The following NKAIN2 variants were observed in gnomAD, a reference collection of about 807,000 sequenced individuals.
The protein encoded by NKAIN2 is sodium/potassium transporting ATPase interacting 2.
In NKAIN2, 14 loss-of-function variants were observed where a neutral mutation model predicts 32.6. That is an observed-to-expected ratio of 0.43 (90% CI 0.28 to 0.67). NKAIN2 has a LOEUF of 0.67. NKAIN2 is among the 30% of genes least tolerant of loss of function. The probability of loss-of-function intolerance (pLI) is 0.17; values close to 1 mark genes in which losing one functional copy is unlikely to be tolerated. For missense variants in NKAIN2, 198 were observed against 258.3 expected (o/e 0.77, Z 1.60); for synonymous variants, 80 against 87.2 (o/e 0.92, Z 0.46).
chr6:124,385,643 C>T (rs1389224651), intron 3 of NKAIN2, among the ~76,000 whole-genome samples: 1 of 152,008 alleles, frequency 6.6e-6, no homozygotes, highest in Non-Finnish European at 1.5e-5. Flanking sequence ...ATAATTCATT[C>T]CAAAAAAGCT....
At chr6:124,748,803 A>T (rs1777574941) in intron 4 of NKAIN2, among the ~76,000 whole-genome samples, 1 of 151,792 alleles carries the variant, frequency 6.6e-6, no homozygotes, top group Non-Finnish European at 1.5e-5. Context: ...TCTTAGAACC[A>T]GTTGAGAACC....
At chr6:124,375,884 G>A (rs962412734) in intron 3 of NKAIN2, among the ~76,000 whole-genome samples, 10 of 152,076 alleles carry the variant, frequency 6.6e-5, no homozygotes, top group Non-Finnish European at 1.3e-4. Context: ...ATCAAGTACT[G>A]CTTTAATGTT....
rs185598063 is a variant in NKAIN2 at position 124,078,464 on chromosome 6, C to T, written c.55-204541C>T. Among the ~76,000 whole-genome samples the T allele has an allele frequency of 2.6e-5, 4 of 152,206 alleles. No individual in the cohort carries two copies. In the East Asian group the frequency reaches 7.7e-4, roughly 29 times the overall value. The stretch of plus-strand genomic sequence containing the variant: ...TTGAGATGGATGCTATTATTGAGCT[C>T]ATTTTACAGATAAGGAAATTGCAAT... On this transcript the variant is annotated intron_variant, in intron 1 of 6. Coordinates refer to ENST00000368417, the MANE Select transcript of NKAIN2 (RefSeq NM_001040214.3).
intron 5 of NKAIN2, among the ~76,000 whole-genome samples, chr6:124,815,524 C>T (rs887861060): frequency 5.3e-5 from 8 of 152,072 alleles, no homozygotes; most frequent in Non-Finnish European, 1.2e-4. Flanking sequence ...TCTGCCTCAG[C>T]CTCCCACAGT....
intron 1 of NKAIN2, among the ~76,000 whole-genome samples, chr6:124,011,399 CTT>C (rs78219806): frequency 1.3e-4 from 19 of 141,454 alleles, no homozygotes; most frequent in Admixed American, 7.0e-5. Flanking sequence ...AATTCCTGTT[CTT>C]TTTTTTTTTT....
chr6:123,881,108 A>C (rs1315012572), intron 1 of NKAIN2, among the ~76,000 whole-genome samples: 1 of 151,996 alleles, frequency 6.6e-6, no homozygotes, highest in African/African-American at 2.4e-5. Context: ...TGCAACCGCC[A>C]CCTCCCCGGT....
chr6:124,402,698 G>A (rs370437031), intron 3 of NKAIN2, among the ~76,000 whole-genome samples: 12 of 152,238 alleles, frequency 7.9e-5, no homozygotes, highest in African/African-American at 1.7e-4. Context: ...AACTAACGCC[G>A]GAACAGAAAA....
At chr6:123,969,828 T>C (rs1481592306) in intron 1 of NKAIN2, among the ~76,000 whole-genome samples, 1 of 152,160 alleles carries the variant, frequency 6.6e-6, no homozygotes, top group Non-Finnish European at 1.5e-5. Context: ...GGATTTGGAA[T>C]GATCTCTGGG....
intron 1 of NKAIN2, among the ~76,000 whole-genome samples, chr6:123,859,716 G>A (rs918535799): frequency 1.3e-5 from 2 of 152,114 alleles, no homozygotes; most frequent in Non-Finnish European, 2.9e-5. Context: ...TTGAGATGGA[G>A]TCTCGCTCTT....
At chr6:124,131,013 C>T (rs1480077273) in intron 1 of NKAIN2, among the ~76,000 whole-genome samples, 1 of 152,168 alleles carries the variant, frequency 6.6e-6, no homozygotes, top group African/African-American at 2.4e-5. Context: ...TTGCTGAAGA[C>T]AGTCAATACT....
chr6:124,088,374 A>T (rs1784281191), intron 1 of NKAIN2, among the ~76,000 whole-genome samples: 1 of 151,956 alleles, frequency 6.6e-6, no homozygotes, highest in African/African-American at 2.4e-5. Context: ...ATGCCACTGC[A>T]CTCCAGCCCA....
intron 2 of NKAIN2, among the ~76,000 whole-genome samples, chr6:124,327,006 G>A (rs1158409784): frequency 6.6e-6 from 1 of 151,972 alleles, no homozygotes; most frequent in Non-Finnish European, 1.5e-5. Flanking sequence ...CTTGCCAATA[G>A]GAGTGAGTTT....
intron 3 of NKAIN2, among the ~76,000 whole-genome samples, chr6:124,648,761 A>C (rs1164847289): frequency 6.6e-6 from 1 of 152,220 alleles, no homozygotes; most frequent in East Asian, 1.9e-4. Flanking sequence ...CAATTTGAAA[A>C]TAATTAGTGG....
Position 124,168,552 on chromosome 6 carries a change from TTGTGTG to T in NKAIN2, c.55-114438_55-114433del, listed in dbSNP as rs58658301. On this transcript the variant is annotated intron_variant, in intron 1 of 6. Transcript: ENST00000368417. ...TAACAAAAGTTAAAGCCTGTTAATT[TTGTGTG>T]TGTGTGTGTGTGTGGTCTACACACT... Among the ~76,000 whole-genome samples the T allele has an allele frequency of 2.2e-3, 329 of 149,756 alleles. 2 individuals are homozygous for T. Among genetic ancestry groups the T allele is most frequent in the African/African-American group, 7.8e-3 (318 of 41,030 alleles).
intron 1 of NKAIN2, among the ~76,000 whole-genome samples, chr6:124,048,220 A>G (rs1047003978): frequency 6.6e-6 from 1 of 151,978 alleles, no homozygotes; most frequent in Non-Finnish European, 1.5e-5. Context: ...TATGCAAATA[A>G]TATTAAGCTA....
chr6:124,688,269 T>G (rs1265579745), intron 4 of NKAIN2, among the ~76,000 whole-genome samples: 1 of 152,104 alleles, frequency 6.6e-6, no homozygotes, highest in Non-Finnish European at 1.5e-5. Flanking sequence ...TGAATGTATC[T>G]TTTTGAGCCA....
At chr6:124,478,540 G>A (rs1293240306) in intron 3 of NKAIN2, among the ~76,000 whole-genome samples, 1 of 152,166 alleles carries the variant, frequency 6.6e-6, no homozygotes, top group Non-Finnish European at 1.5e-5. Context: ...GAAGATGGGG[G>A]TATGTCAAAG....
intron 3 of NKAIN2, among the ~76,000 whole-genome samples, chr6:124,467,078 G>C (rs931864657): frequency 6.6e-6 from 1 of 152,008 alleles, no homozygotes; most frequent in Non-Finnish European, 1.5e-5. Flanking sequence ...AATATATAAA[G>C]ATCACTATTA....
chr6:123,925,078 TG>T (rs2114503063), intron 1 of NKAIN2, among the ~76,000 whole-genome samples: 1 of 152,288 alleles, frequency 6.6e-6, no homozygotes, highest in East Asian at 1.9e-4. Context: ...GAATTTTTTT[TG>T]TTGCTTGAAT....
Sources: allele counts gnomAD v4.1 joint callset (sites outside exome capture counted in the v4.1 genomes callset), GRCh38; gene constraint gnomAD v4.1.1; transcripts MANE v1.5; gene names NCBI Gene and HGNC (gene_info 2026-07-23, HGNC 2026-07-21).